TMEM245: variants seen among roughly 807,000 people sequenced by gnomAD.
TMEM245 encodes transmembrane protein 245.
Under a neutral mutation model 101.2 loss-of-function variants are expected in TMEM245, and 69 were observed. The observed-to-expected ratio is 0.68, with a 90% CI of 0.56 to 0.83. TMEM245 has a LOEUF of 0.83. Among genes scored for constraint, TMEM245 ranks in the 40% least tolerant of loss-of-function variants. The pLI, the probability that TMEM245 is intolerant of heterozygous loss-of-function variation, is 0.00. For synonymous variants in TMEM245, 537 were observed against 449.8 expected, an observed-to-expected ratio of 1.19 and a Z score of -2.45; for missense variants, 1,075 against 1,092.8, an observed-to-expected ratio of 0.98 and a Z score of 0.23.
At chr9:109,064,633 G>C (rs539955345) in intron 9 of TMEM245, 66 bp from the exon 10 acceptor site, 5 of 1,330,594 alleles carry the variant, frequency 3.8e-6, no homozygotes, top group East Asian at 4.6e-5. Flanking sequence ...ATAATGCTTT[G>C]AACTTGATAT....
chr9:109,117,204 G>T (rs1830746999), intron 1 of TMEM245, among the ~76,000 whole-genome samples: 1 of 151,778 alleles, frequency 6.6e-6, no homozygotes, highest in Non-Finnish European at 1.5e-5. Flanking sequence ...CTGCCTCCCG[G>T]GTTCAAGTGA....
chr9:109,050,629 T>G lies in TMEM245; in HGVS notation c.1918A>C (p.Thr640Pro), dbSNP rs772854887. 1 of 1,613,514 alleles carries G rather than the reference T, an allele frequency of 6.2e-7. No individual in the cohort carries two copies. Among genetic ancestry groups the G allele is most frequent in the South Asian group, 1.1e-5 (1 of 91,028 alleles). Residue 640 changes from threonine (T) to proline (P), a missense_variant, in exon 13 of 18, where the codon ACA becomes CCA. This residue lies in a region of TMEM245 where 267 missense variants were observed against 351.3 expected (regional missense o/e 0.76). Transcript: ENST00000374586. ...CTGTAGAAGAGGATGGTCAAGAGTG[T>G]AGTGACAGTGGTGAACAGCAGGCTC... is the stretch of plus-strand genomic sequence containing the variant. ...NVSLLFTTVT[T>P]LLTILFYSGT... is the part of the protein sequence containing the mutation.
In TMEM245 at chr9:109,016,813, A is replaced by AT. The variant is rs1282617208; in HGVS notation, c.*3646dup. The AT allele has an allele frequency of 6.6e-6, 1 of 152,200 alleles. No individual in the cohort carries two copies. The highest frequency in any genetic ancestry group is 1.5e-5 in the Non-Finnish European group (1 of 68,030). The allele number at this position is 152,200 out of a possible 1,614,324, so 9.4% of individuals were successfully genotyped here. On this transcript the variant is annotated 3_prime_UTR_variant, in exon 18 of 18. Coordinates refer to ENST00000374586, the MANE Select transcript of TMEM245 (RefSeq NM_032012.4). ...TTGGAAGTAATGCTAGCCAGAGGCT[A>AT]TTTCCACTGTGAAATGCACACTCAA...
chr9:109,095,052 G>A (rs1830102605), intron 3 of TMEM245, among the ~76,000 whole-genome samples: 1 of 152,150 alleles, frequency 6.6e-6, no homozygotes, highest in African/African-American at 2.4e-5. Flanking sequence ...GTCATACTCT[G>A]TCCCTCCTCT....
At chr9:109,066,452 CAAAAAAAAAAAA>C (rs386415818) in intron 9 of TMEM245, among the ~76,000 whole-genome samples, 8 of 52,484 alleles carry the variant, frequency 1.5e-4, no homozygotes, top group South Asian at 8.4e-4. Flanking sequence ...AAGACTGTCT[CAAAAAAAAAAAA>C]AAAAAAAAAA....
At chr9:109,112,900 AC>A (rs1830604718) in intron 1 of TMEM245, among the ~76,000 whole-genome samples, 1 of 151,952 alleles carries the variant, frequency 6.6e-6, no homozygotes, top group Non-Finnish European at 1.5e-5. Flanking sequence ...ACATGGTGAA[AC>A]CCCGTCTCTA....
At chr9:109,022,903 A>G (rs1266874251) in intron 17 of TMEM245, among the ~76,000 whole-genome samples, 1 of 152,214 alleles carries the variant, frequency 6.6e-6, no homozygotes, top group Non-Finnish European at 1.5e-5. Flanking sequence ...GTAATTTTAT[A>G]TCTATTAACT....
chr9:109,025,865 C>T (rs187264421), intron 17 of TMEM245, among the ~76,000 whole-genome samples: 1 of 152,304 alleles, frequency 6.6e-6, no homozygotes, highest in Non-Finnish European at 1.5e-5. Context: ...GTGCTGTATC[C>T]ACTACATTCT....
chr9:109,082,532 C>T (rs563882591), intron 7 of TMEM245, among the ~76,000 whole-genome samples: 4 of 152,180 alleles, frequency 2.6e-5, no homozygotes, highest in South Asian at 2.1e-4. Flanking sequence ...GTGCTTAGCA[C>T]GTGGTAAGCA....
chr9:109,105,214 A>C (rs1830379147), intron 3 of TMEM245, among the ~76,000 whole-genome samples: 1 of 152,244 alleles, frequency 6.6e-6, no homozygotes, highest in Admixed American at 6.5e-5. Flanking sequence ...ACATTTCTCC[A>C]AAGAAGAGAA....
intron 8 of TMEM245, among the ~76,000 whole-genome samples, chr9:109,076,991 G>A (rs188203040): frequency 6.6e-6 from 1 of 152,046 alleles, no homozygotes; most frequent in Admixed American, 6.5e-5. Flanking sequence ...ACTGTGCCTT[G>A]CCTAACACTT....
At chr9:109,114,276 T>A (rs1191421463) in intron 1 of TMEM245, among the ~76,000 whole-genome samples, 1 of 152,190 alleles carries the variant, frequency 6.6e-6, no homozygotes, top group Non-Finnish European at 1.5e-5. Context: ...CTGAGAAAAC[T>A]AAGCACTAGA....
chr9:109,047,169 C>G (rs1828523299), intron 14 of TMEM245, among the ~76,000 whole-genome samples: 1 of 151,916 alleles, frequency 6.6e-6, no homozygotes, highest in African/African-American at 2.4e-5. Flanking sequence ...GTTCTGGTAC[C>G]AAAGGTTGTT....
At chr9:109,111,922 A>C (rs2132661877) in intron 1 of TMEM245, among the ~76,000 whole-genome samples, 1 of 152,288 alleles carries the variant, frequency 6.6e-6, no homozygotes, top group East Asian at 1.9e-4. Flanking sequence ...TTTTCTACTA[A>C]GGTTATGTAG....
At chr9:109,093,436 T>C in intron 4 of TMEM245, 39 bp downstream of exon 4, 2 of 1,550,796 alleles carry the variant, frequency 1.3e-6, no homozygotes, top group Non-Finnish European at 1.8e-6. Context: ...ACATTTCATT[T>C]TCCAGAATAA....
intron 8 of TMEM245, among the ~76,000 whole-genome samples, chr9:109,076,999 C>T (rs1214517166): frequency 2.0e-5 from 3 of 151,946 alleles, no homozygotes; most frequent in Non-Finnish European, 4.4e-5. Context: ...TTGCCTAACA[C>T]TTCCAAATTT....
intron 16 of TMEM245, 54 bp downstream of exon 16, chr9:109,036,152 A>C: frequency 2.7e-6 from 4 of 1,464,562 alleles, no homozygotes; most frequent in Non-Finnish European, 3.6e-6. Flanking sequence ...TTAAAAAAAA[A>C]AAAACGGAAA....
chr9:109,064,747 C>T (rs577778579), intron 9 of TMEM245, among the ~76,000 whole-genome samples, 180 bp from the exon 10 acceptor site: 1 of 152,306 alleles, frequency 6.6e-6, no homozygotes, highest in East Asian at 1.9e-4. Flanking sequence ...CTCTAACATT[C>T]AGGATGTCCT....
At chr9:109,028,738 C>A (rs1827863843) in intron 17 of TMEM245, among the ~76,000 whole-genome samples, 1 of 152,130 alleles carries the variant, frequency 6.6e-6, no homozygotes, top group Non-Finnish European at 1.5e-5. Context: ...CTCCCGCTGG[C>A]CTTAAAGAAG....
Sources: allele counts gnomAD v4.1 joint callset (sites outside exome capture counted in the v4.1 genomes callset), GRCh38; gene constraint gnomAD v4.1.1; regional missense constraint gnomAD v4.1.1; transcripts MANE v1.5; gene names NCBI Gene and HGNC (gene_info 2026-07-23, HGNC 2026-07-21).